SASS6: variants seen among roughly 807,000 people sequenced by gnomAD.
SASS6 encodes SAS-6 centriolar assembly protein, also known as spindle assembly abnormal protein 6 homolog.
Under a neutral mutation model 94.9 loss-of-function variants are expected in SASS6, and 59 were observed. The ratio of observed to expected loss-of-function variants is 0.62; its 90% CI spans 0.50 to 0.77. SASS6 has a LOEUF of 0.77. Ranked by LOEUF, SASS6 falls within the 30% of genes least tolerant of loss-of-function variation. The pLI, the probability that SASS6 is intolerant of heterozygous loss-of-function variation, is 0.00. For synonymous variants in SASS6, 264 were observed against 270.0 expected (o/e 0.98, Z 0.22); for missense variants, 698 against 734.1 (o/e 0.95, Z 0.57).
At position 100,103,063 on chromosome 1, in the gene SASS6, G is replaced by GT; in HGVS notation, c.1565dup (p.Tyr522Ter). 1 of 1,600,788 alleles carries GT rather than the reference G, an allele frequency of 6.2e-7. No individual in the cohort carries two copies. Among genetic ancestry groups the GT allele is most frequent in the South Asian group, 1.1e-5 (1 of 90,440 alleles). ...NLNVVDGRLT[Y>*]PTCGIGYPVS... is the part of the protein sequence containing the mutation. ...CAGGATAACCAATCCCACAGGTTGG[G>GT]TAAGTCAGTCTACCATCAACCTAAA... Residue 522 changes from tyrosine (Y) to a stop codon, truncating the protein, a stop_gained and frameshift_variant, in exon 14 of 17, where the codon TAC becomes TAAC. Transcript: ENST00000287482. LOFTEE classifies it high-confidence loss of function.
Position 100,085,518 on chromosome 1 carries a change from C to T in SASS6, c.1867+18G>A, listed in dbSNP as rs1220337178. 6.3e-7 allele frequency: 1 copy of T among 1,596,970 alleles called. No individual in the cohort carries two copies. On this transcript the variant is annotated intron_variant, in intron 16 of 16. Transcript: ENST00000287482. ...TAATTCAACTATAAAGTACAAAAAT[C>T]CAGAAATCCCTGCTTACCTGAATTA... is the stretch of plus-strand genomic sequence containing the variant.
At chr1:100,130,613 CAGG>C (rs1328625064) in intron 1 of SASS6, among the ~76,000 whole-genome samples, 1 of 150,292 alleles carries the variant, frequency 6.7e-6, no homozygotes, top group African/African-American at 2.5e-5. Context: ...CCCTTGGGCC[CAGG>C]AGGTCAAGGC....
intron 2 of SASS6, among the ~76,000 whole-genome samples, chr1:100,123,990 A>G (rs1654389593): frequency 6.6e-6 from 1 of 152,252 alleles, no homozygotes; most frequent in African/African-American, 2.4e-5. Context: ...GGTGAAAGAA[A>G]AACAGCATTA....
intron 14 of SASS6, among the ~76,000 whole-genome samples, chr1:100,089,096 T>C (rs1467850311): frequency 6.6e-6 from 1 of 151,724 alleles, no homozygotes; most frequent in African/African-American, 2.4e-5. Context: ...GAAAAGAAAA[T>C]TCCAGACATA....
At chr1:100,105,569 G>C (rs1253688405) in intron 13 of SASS6, among the ~76,000 whole-genome samples, 198 bp downstream of exon 13, 1 of 152,026 alleles carries the variant, frequency 6.6e-6, no homozygotes, top group African/African-American at 2.4e-5. Context: ...ATGTGCTCTT[G>C]AAACTCAGCC....
chr1:100,085,350 G>A lies in SASS6; in HGVS notation c.1952C>T (p.Pro651Leu), dbSNP rs778766058. ...GAATTAACTGTTTGGTAACTGCCCA[G>A]GGAAATAGGCTGAAGACGCAGAGGG... ...ALPSASSAYF[P>L]GQLPNS The change falls in exon 17 of 17, where the codon CCT becomes CTT. Residue 651 changes from proline (P) to leucine (L), a missense_variant. Physicochemically the swap from Pro to Leu is moderately conservative, Grantham distance 98 (BLOSUM62 -3). Transcript: ENST00000287482. 1.2e-6 allele frequency: 2 copies of A among 1,611,362 alleles called. No homozygotes were observed. The highest frequency in any genetic ancestry group is 1.7e-6 in the Non-Finnish European group (2 of 1,177,514).
chr1:100,091,621 A>C (rs1651694616), intron 14 of SASS6, among the ~76,000 whole-genome samples: 1 of 149,958 alleles, frequency 6.7e-6, no homozygotes. Context: ...GAATGTAAAA[A>C]AGTCTCATTA....
chr1:100,111,557 A>T (rs1478613652), intron 7 of SASS6, among the ~76,000 whole-genome samples: 1 of 152,058 alleles, frequency 6.6e-6, no homozygotes, highest in East Asian at 1.9e-4. Flanking sequence ...TTTATGATCA[A>T]TTATAGAATA....
chr1:100,106,281 C>T (rs1652897898), intron 12 of SASS6, among the ~76,000 whole-genome samples: 1 of 151,798 alleles, frequency 6.6e-6, no homozygotes, highest in Non-Finnish European at 1.5e-5. Context: ...TCAAACAATT[C>T]ATATTGTTAT....
At chr1:100,088,323 C>T (rs1651450909) in intron 14 of SASS6, 87 bp from the exon 15 acceptor site, 1 of 674,682 alleles carries the variant, frequency 1.5e-6, no homozygotes, top group Non-Finnish European at 2.7e-6. Flanking sequence ...CAGAGCCTTG[C>T]TCTGTTGCTT....
At chr1:100,097,041 G>C (rs1374669441) in intron 14 of SASS6, among the ~76,000 whole-genome samples, 1 of 152,158 alleles carries the variant, frequency 6.6e-6, no homozygotes, top group Non-Finnish European at 1.5e-5. Flanking sequence ...CTTGAACCCT[G>C]AAGGTGGAGG....
chr1:100,106,286 T>A (rs1486681998), intron 12 of SASS6, among the ~76,000 whole-genome samples: 2 of 152,206 alleles, frequency 1.3e-5, no homozygotes, highest in Non-Finnish European at 2.9e-5. Context: ...CAATTCATAT[T>A]GTTATTATTA....
chr1:100,098,688 C>T (rs1652262862), intron 14 of SASS6, among the ~76,000 whole-genome samples: 1 of 151,070 alleles, frequency 6.6e-6, no homozygotes, highest in East Asian at 2.0e-4. Flanking sequence ...ACCTACTCAT[C>T]CATAAATAGA....
intron 8 of SASS6, 143 bp from the exon 9 acceptor site, chr1:100,108,147 T>C (rs908298589): frequency 5.0e-5 from 25 of 499,466 alleles, no homozygotes; most frequent in Middle Eastern, 5.1e-4. Context: ...TTTAAAAGCA[T>C]AAATGTCTTT....
At chr1:100,098,976 T>C (rs764998345) in intron 14 of SASS6, among the ~76,000 whole-genome samples, 68 of 152,214 alleles carry the variant, frequency 4.5e-4, no homozygotes, top group Non-Finnish European at 7.9e-4. Flanking sequence ...AGTATTTTTC[T>C]CTAAGAGGAC....
At chr1:100,125,547 T>C (rs1406985813) in intron 2 of SASS6, among the ~76,000 whole-genome samples, 1 of 150,462 alleles carries the variant, frequency 6.6e-6, no homozygotes, top group Non-Finnish European at 1.5e-5. Context: ...GGCGTGGTGG[T>C]GCATGCCTGT....
chr1:100,125,924 C>A lies in SASS6; in HGVS notation c.84G>T (p.Met28Ile). The A allele has an allele frequency of 6.5e-7, 1 of 1,549,432 alleles. No homozygotes were observed. ...DCEERRVSIRMSIELQSVSNP... is the reference protein window; with the variant it reads ...DCEERRVSIRISIELQSVSNP... ...TAGAAACTGATTGTAGTTCAATGCT[C>A]ATTCTTATACTTACTCTCCTGTAGG... is the stretch of plus-strand genomic sequence containing the variant. Residue 28 changes from methionine (M) to isoleucine (I), a missense_variant, in exon 2 of 17, where the codon ATG becomes ATT. Transcript: ENST00000287482.
At chr1:100,113,381 G>C (rs191437235) in intron 7 of SASS6, among the ~76,000 whole-genome samples, 9,684 of 152,094 alleles carry the variant, frequency 0.064, 436 homozygotes, top group Non-Finnish European at 0.095. Flanking sequence ...GGCTGAGGCG[G>C]GCGGATCACG....
At chr1:100,122,958 C>T (rs533793297) in intron 3 of SASS6, among the ~76,000 whole-genome samples, 9 of 62,834 alleles carry the variant, frequency 1.4e-4, no homozygotes, top group African/African-American at 3.3e-4. Flanking sequence ...TTTTATAGAA[C>T]GTATTCAATG....
Sources: gnomAD v4.1 joint callset for allele counts (sites outside exome capture counted in the v4.1 genomes callset) on GRCh38, gnomAD v4.1.1 for gene constraint, MANE v1.5 for transcripts, NCBI Gene and HGNC (gene_info 2026-07-23, HGNC 2026-07-21) for gene names.